FOXM1: variants seen among roughly 807,000 people sequenced by gnomAD.
FOXM1 encodes forkhead box M1, also known as forkhead box protein M1.
A neutral mutation model predicts 63.6 loss-of-function variants in FOXM1; 25 were observed. That is an observed-to-expected ratio of 0.39 (90% CI 0.29 to 0.55). The LOEUF is 0.55. FOXM1 is among the 20% of genes least tolerant of loss of function. The pLI is 0.60. For missense variants in FOXM1, 879 were observed against 958.7 expected (o/e 0.92, Z 1.10); for synonymous variants, 387 against 376.9 (o/e 1.03, Z -0.31).
At chr12:2,870,628 A>C (rs1367161849) in intron 3 of FOXM1, among the ~76,000 whole-genome samples, 1 of 148,800 alleles carries the variant, frequency 6.7e-6, no homozygotes, top group Non-Finnish European at 1.5e-5. Flanking sequence ...GTGCCACTGC[A>C]CTCCAGCCTG....
chr12:2,874,434 C>G lies in FOXM1; in HGVS notation c.45G>C (p.Arg15Ser), dbSNP rs1287280980. 1.9e-6 allele frequency: 3 copies of G among 1,613,226 alleles called. No individual in the cohort carries two copies. Among genetic ancestry groups the G allele is most frequent in the Admixed American group, 1.7e-5 (1 of 59,838 alleles). The part of the protein sequence containing the change: ...PRRPLILKRR[R>S]LPLPVQNAPS... ...GGGCATTTTGAACAGGAAGGGGCAG[C>G]CTCCGTCTTTTGAGAATCAGTGGCC... Residue 15 changes from arginine (R) to serine (S), a missense_variant, in exon 2 of 9, where the codon AGG becomes AGC. Physicochemically the swap from Arg to Ser is moderately radical, Grantham distance 110. This residue lies in a region of FOXM1 where 255 missense variants were observed against 292.4 expected (regional missense o/e 0.87). Coordinates refer to ENST00000359843, the MANE Select transcript of FOXM1 (RefSeq NM_021953.4). The surrounding 1 kb of genome is among the most constrained non-coding windows in gnomAD (Gnocchi z 4.3).
chr12:2,867,309 C>G (rs182807244), intron 4 of FOXM1, among the ~76,000 whole-genome samples: 1 of 148,122 alleles, frequency 6.8e-6, no homozygotes, highest in East Asian at 2.0e-4. Flanking sequence ...ACTGTCTCTA[C>G]AAAAAAAAAA....
chr12:2,871,734 G>C (rs552680174), intron 3 of FOXM1, among the ~76,000 whole-genome samples: 1 of 151,762 alleles, frequency 6.6e-6, no homozygotes, highest in Non-Finnish European at 1.5e-5. Flanking sequence ...AAATTAACTT[G>C]TTGTATTCTA....
intron 3 of FOXM1, among the ~76,000 whole-genome samples, chr12:2,870,077 G>A (rs2098130346): frequency 6.7e-6 from 1 of 149,438 alleles, no homozygotes; most frequent in African/African-American, 2.5e-5. Flanking sequence ...CGCAAGCTCT[G>A]CCTCCTGGGT....
At position 2,859,551 on chromosome 12, in the gene FOXM1, T is replaced by C; in HGVS notation, c.1379A>G (p.Lys460Arg). 1.9e-6 allele frequency: 3 copies of C among 1,614,104 alleles called. No homozygotes were observed. Among genetic ancestry groups the C allele is most frequent in the Non-Finnish European group, 2.5e-6 (3 of 1,179,994 alleles). Reference protein sequence around the residue: ...FSPLLPVQTIKEEEIQPGEEM... With the variant: ...FSPLLPVQTIREEEIQPGEEM... ...CTCCCCAGGCTGGATTTCTTCCTCC[T>C]TGATAGTCTGAACTGGAAGCAAAGG... is the stretch of plus-strand genomic sequence containing the variant. The change falls in exon 9 of 9, where the codon AAG (lysine) becomes AGG (arginine). Residue 460 changes from lysine (K) to arginine (R), a missense_variant. Physicochemically the swap from Lys to Arg is conservative, Grantham distance 26. Transcript: ENST00000359843.
intron 8 of FOXM1, chr12:2,861,188 C>G (rs1443330601): frequency 7.0e-6 from 4 of 571,956 alleles, no homozygotes; most frequent in Non-Finnish European, 1.2e-5. Context: ...AAAAAGAGCT[C>G]TCACAAATTG....
intron 4 of FOXM1, 111 bp from the exon 5 acceptor site, chr12:2,866,632 G>C (rs2098123668): frequency 8.7e-7 from 1 of 1,155,664 alleles, no homozygotes; most frequent in Non-Finnish European, 1.2e-6. Flanking sequence ...CTCAGCACAG[G>C]CTTCGTCTGG....
At chr12:2,871,147 G>A (rs1052912112) in intron 3 of FOXM1, among the ~76,000 whole-genome samples, 3 of 151,602 alleles carry the variant, frequency 2.0e-5, no homozygotes, top group African/African-American at 7.3e-5. Context: ...AAACCCCAGC[G>A]ACACACAATA....
In FOXM1 at chr12:2,857,764, C is replaced by G. The variant is rs1294981444; in HGVS notation, c.*874G>C. Reference sequence around the variant, plus strand: ...CGGTCAGCTGGGGCCTAGGGTGGCTCTTTGCAAAGCTGAGGGGCAAGCTAA... The same window carrying G: ...CGGTCAGCTGGGGCCTAGGGTGGCTGTTTGCAAAGCTGAGGGGCAAGCTAA... On this transcript the variant is annotated 3_prime_UTR_variant, in exon 9 of 9. Transcript: ENST00000359843. 2 of 152,376 alleles carry G rather than the reference C, an allele frequency of 1.3e-5. No homozygotes were observed. The highest frequency in any genetic ancestry group is 1.3e-4 in the Admixed American group (2 of 15,296). 9.4% of individuals were successfully genotyped at this position (152,376 alleles called of 1,614,324 possible).
chr12:2,865,108 G>A (rs974560847), intron 6 of FOXM1, among the ~76,000 whole-genome samples: 1 of 152,200 alleles, frequency 6.6e-6, no homozygotes, highest in Non-Finnish European at 1.5e-5. Flanking sequence ...TGCGCTTGTG[G>A]CTGCTGCAGC....
chr12:2,873,508 T>C (rs2098136766), intron 2 of FOXM1, among the ~76,000 whole-genome samples: 1 of 150,840 alleles, frequency 6.6e-6, no homozygotes, highest in African/African-American at 2.4e-5. Flanking sequence ...AGCTCAGGAG[T>C]CCGAGACCAG....
intron 3 of FOXM1, among the ~76,000 whole-genome samples, chr12:2,870,592 T>G (rs1201948001): frequency 1.4e-5 from 2 of 147,634 alleles, no homozygotes; most frequent in Non-Finnish European, 3.0e-5. Flanking sequence ...GAACCTGGGA[T>G]GCAGAGGTTT....
At chr12:2,867,081 AG>A (rs1204436236) in intron 4 of FOXM1, among the ~76,000 whole-genome samples, 4 of 152,054 alleles carry the variant, frequency 2.6e-5, no homozygotes, top group African/African-American at 9.7e-5. Flanking sequence ...TGAACCTGGG[AG>A]GCAGAGGTTG....
chr12:2,869,707 G>A (rs919248787), intron 3 of FOXM1, among the ~76,000 whole-genome samples: 4 of 151,074 alleles, frequency 2.6e-5, no homozygotes, highest in African/African-American at 9.8e-5. Flanking sequence ...AGAGTGATGG[G>A]ATTACAGGCA....
In FOXM1 at chr12:2,864,814, T is replaced by C; in HGVS notation, c.1021-62A>G. 6.4e-7 allele frequency: 1 copy of C among 1,560,170 alleles called. No homozygotes were observed. The highest frequency in any genetic ancestry group is 8.8e-7 in the Non-Finnish European group (1 of 1,131,288). The stretch of plus-strand genomic sequence containing the variant: ...TTAACACAATAAGGTAAAGAGGGGA[T>C]GGCAAAACCCCACCAGCTGCTCTGG... On this transcript the variant is annotated intron_variant, in intron 6 of 8. Coordinates refer to ENST00000359843, the MANE Select transcript of FOXM1 (RefSeq NM_021953.4). The surrounding 1 kb of genome is among the most constrained non-coding windows in gnomAD (Gnocchi z 5.1).
chr12:2,862,383 T>C (rs989775717), intron 8 of FOXM1, among the ~76,000 whole-genome samples: 4 of 149,362 alleles, frequency 2.7e-5, no homozygotes, highest in African/African-American at 1.0e-4. Context: ...TGGGTGATGG[T>C]AGGGTGGAGA....
rs1484243734 is a variant in FOXM1 at position 2,858,863 on chromosome 12, A to G, written c.2067T>C (p.Phe689=). The G allele has an allele frequency of 1.2e-6, 2 of 1,613,998 alleles. No individual in the cohort carries two copies. Among genetic ancestry groups the G allele is most frequent in the African/African-American group, 2.7e-5 (2 of 74,910 alleles). Reference sequence around the variant, plus strand: ...CTATATCTGAGGGAGAAGAGTTGCCAAAGGGGACGGAGATGAGGTCTAAGG... The same window carrying G: ...CTATATCTGAGGGAGAAGAGTTGCCGAAGGGGACGGAGATGAGGTCTAAGG... ...SEPLDLISVP[F]GNSSPSDIDV... is the part of the protein sequence containing the mutation. Residue 689 remains phenylalanine (F), a synonymous_variant, in exon 9 of 9, where the codon TTT becomes TTC. Coordinates refer to ENST00000359843, the MANE Select transcript of FOXM1 (RefSeq NM_021953.4).
intron 8 of FOXM1, among the ~76,000 whole-genome samples, chr12:2,862,456 C>T (rs1026600247): frequency 1.3e-5 from 2 of 152,028 alleles, no homozygotes; most frequent in Non-Finnish European, 2.9e-5. Flanking sequence ...GCACATGCTA[C>T]GGCCACATGA....
In FOXM1 at chr12:2,874,396, G is replaced by A; in HGVS notation, c.83C>T (p.Ser28Leu). The A allele has an allele frequency of 6.2e-7, 1 of 1,614,090 alleles. No individual in the cohort carries two copies. Among genetic ancestry groups the A allele is most frequent in the Non-Finnish European group, 8.5e-7 (1 of 1,180,010 alleles). Residue 28 changes from serine (S) to leucine (L), a missense_variant, in exon 2 of 9, where the codon TCA (serine) becomes TTA (leucine). Transcript: ENST00000359843. The surrounding 1 kb of genome is among the most constrained non-coding windows in gnomAD (Gnocchi z 4.3). ...AGGGGATCTCTTAGGTTCCTCCTCT[G>A]ATGTTTCACTTGGGGCATTTTGAAC... is the stretch of plus-strand genomic sequence containing the variant. ...LPVQNAPSET[S>L]EEEPKRSPAQ... is the part of the protein sequence containing the mutation.
Sources: gnomAD v4.1 joint callset for allele counts (sites outside exome capture counted in the v4.1 genomes callset) on GRCh38, gnomAD v4.1.1 for gene constraint, gnomAD v4.1.1 regional missense constraint, Gnocchi (gnomAD v3.1) non-coding constraint, MANE v1.5 for transcripts, NCBI Gene and HGNC (gene_info 2026-07-23, HGNC 2026-07-21) for gene names.